Variants in ZNF385D observed in about 807,000 individuals in gnomAD.
ZNF385D encodes the protein zinc finger protein 385D, also known as zinc finger protein 659.
A neutral mutation model predicts 35.8 loss-of-function variants in ZNF385D; 15 were observed. The ratio of observed to expected loss-of-function variants is 0.42; its 90% CI spans 0.28 to 0.64. The LOEUF (loss-of-function observed/expected upper bound fraction) is 0.64. Among genes scored for constraint, ZNF385D ranks in the 30% least tolerant of loss-of-function variants. The pLI, the probability that ZNF385D is intolerant of heterozygous loss-of-function variation, is 0.23. For synonymous variants in ZNF385D, 212 were observed against 186.8 expected (o/e 1.13, Z -1.10); for missense variants, 474 against 494.6 (o/e 0.96, Z 0.39).
intron 1 of ZNF385D, among the ~76,000 whole-genome samples, chr3:21,699,058 G>A (rs1480711322): frequency 6.6e-6 from 1 of 152,040 alleles, no homozygotes; most frequent in East Asian, 1.9e-4. Context: ...TTGTGGCACT[G>A]TTCACAATAG....
chr3:21,612,560 T>G (rs1005003844), intron 2 of ZNF385D, among the ~76,000 whole-genome samples: 2 of 152,238 alleles, frequency 1.3e-5, no homozygotes, highest in African/African-American at 4.8e-5. Context: ...CCTATTCATT[T>G]GTTCAATTAT....
chr3:21,625,466 G>C (rs1160750778), intron 2 of ZNF385D, among the ~76,000 whole-genome samples: 5 of 152,048 alleles, frequency 3.3e-5, no homozygotes, highest in Admixed American at 6.6e-5. Flanking sequence ...TCTTAAACAA[G>C]AATACTTAGC....
intron 1 of ZNF385D, among the ~76,000 whole-genome samples, chr3:21,741,866 C>G (rs975148403): frequency 6.6e-6 from 1 of 152,082 alleles, no homozygotes; most frequent in African/African-American, 2.4e-5. Flanking sequence ...CTTCCTGCCT[C>G]TAAGTCTGAA....
intron 3 of ZNF385D, among the ~76,000 whole-genome samples, chr3:21,838,654 C>T (rs1695475653): frequency 6.6e-6 from 1 of 151,976 alleles, no homozygotes; most frequent in Non-Finnish European, 1.5e-5. Flanking sequence ...AGCAAACTGG[C>T]CTTATCCATC....
intron 2 of ZNF385D, among the ~76,000 whole-genome samples, chr3:22,273,741 A>G (rs187803463): frequency 6.6e-6 from 1 of 152,062 alleles, no homozygotes; most frequent in African/African-American, 2.4e-5. Flanking sequence ...CAGATCAGGA[A>G]GTTGAATACG....
chr3:22,099,258 T>C (rs1576317507), intron 3 of ZNF385D, among the ~76,000 whole-genome samples: 1 of 152,096 alleles, frequency 6.6e-6, no homozygotes, highest in East Asian at 1.9e-4. Context: ...TATACCCACA[T>C]ATATAAATAC....
intron 3 of ZNF385D, among the ~76,000 whole-genome samples, chr3:21,843,277 C>T (rs1695792584): frequency 6.6e-6 from 1 of 151,874 alleles, no homozygotes; most frequent in Non-Finnish European, 1.5e-5. Context: ...GGGGATTAAC[C>T]GTAGCTCCTT....
At chr3:22,356,984 T>A (rs984878057) in intron 2 of ZNF385D, among the ~76,000 whole-genome samples, 1 of 151,868 alleles carries the variant, frequency 6.6e-6, no homozygotes, top group African/African-American at 2.4e-5. Context: ...GGAAACAAGA[T>A]AGCAAGTTAT....
intron 2 of ZNF385D, among the ~76,000 whole-genome samples, chr3:22,212,154 G>A (rs11708512): frequency 0.12 from 18,886 of 151,954 alleles, 1,531 homozygotes; most frequent in Middle Eastern, 0.24. Flanking sequence ...TTCTTGCCCA[G>A]TTATTCCCAG....
At chr3:21,553,124 T>G (rs2062621218) in intron 3 of ZNF385D, among the ~76,000 whole-genome samples, 1 of 152,140 alleles carries the variant, frequency 6.6e-6, no homozygotes. Flanking sequence ...AACTGGATTC[T>G]CCCCTGGAAC....
At chr3:21,600,692 G>A (rs2064259742) in intron 2 of ZNF385D, among the ~76,000 whole-genome samples, 1 of 151,808 alleles carries the variant, frequency 6.6e-6, no homozygotes, top group Admixed American at 6.6e-5. Flanking sequence ...AACACACAGA[G>A]AGAGAGGAAA....
chr3:22,121,517 C>T (rs535343143), intron 3 of ZNF385D, among the ~76,000 whole-genome samples: 3 of 152,266 alleles, frequency 2.0e-5, no homozygotes, highest in African/African-American at 7.2e-5. Flanking sequence ...AAAGGACAAA[C>T]GCTTTGAGTT....
chr3:21,974,126 A>T (rs1442683048), intron 3 of ZNF385D, among the ~76,000 whole-genome samples: 1 of 152,102 alleles, frequency 6.6e-6, no homozygotes, highest in Non-Finnish European at 1.5e-5. Flanking sequence ...TATCCTGAGC[A>T]AAAATTTGAA....
intron 3 of ZNF385D, among the ~76,000 whole-genome samples, chr3:21,927,676 C>G (rs906626176): frequency 3.3e-5 from 5 of 152,108 alleles, no homozygotes; most frequent in African/African-American, 1.2e-4. Flanking sequence ...CATAATAGAG[C>G]TAGAGTGAAT....
intron 3 of ZNF385D, among the ~76,000 whole-genome samples, chr3:21,976,045 C>G (rs1033950518): frequency 7.9e-5 from 12 of 152,072 alleles, no homozygotes; most frequent in Non-Finnish European, 1.8e-4. Flanking sequence ...CACTCAGGCT[C>G]TAACTGGGAC....
intron 2 of ZNF385D, among the ~76,000 whole-genome samples, chr3:22,347,937 T>A (rs1695732695): frequency 6.6e-6 from 1 of 152,182 alleles, no homozygotes; most frequent in African/African-American, 2.4e-5. Context: ...GCCTTCAATA[T>A]GATTGCTTTT....
At chr3:22,304,806 T>TTA (rs1703114642) in intron 2 of ZNF385D, among the ~76,000 whole-genome samples, 1 of 152,162 alleles carries the variant, frequency 6.6e-6, no homozygotes, top group Non-Finnish European at 1.5e-5. Context: ...TTGTAATTCT[T>TTA]TATCAGTGCC....
intron 2 of ZNF385D, among the ~76,000 whole-genome samples, chr3:22,220,957 A>G (rs1188288767): frequency 6.6e-6 from 1 of 152,190 alleles, no homozygotes; most frequent in Non-Finnish European, 1.5e-5. Flanking sequence ...GAAAGAACTG[A>G]TTCTCATATG....
rs150250913 is a variant in ZNF385D, at chr3:21,507,977, A to T, written c.439+2884T>A. ...ATCTGATGAGTGTGCTGGAACTCTTAGCCTCTCAACCTATATAACTTGCTT... is the reference window on the plus strand; with the variant it reads ...ATCTGATGAGTGTGCTGGAACTCTTTGCCTCTCAACCTATATAACTTGCTT... On this transcript the variant is annotated intron_variant, in intron 4 of 7. Coordinates refer to ENST00000281523, the MANE Select transcript of ZNF385D (RefSeq NM_024697.3). 3.4e-4 allele frequency among the ~76,000 whole-genome samples: 52 copies of T among 152,250 alleles called. 1 individual carries two copies. Among genetic ancestry groups the T allele is most frequent in the East Asian group, 2.5e-3 (13 of 5,174 alleles).
Sources: allele counts gnomAD v4.1 joint callset (sites outside exome capture counted in the v4.1 genomes callset), GRCh38; gene constraint gnomAD v4.1.1; transcripts MANE v1.5; gene names NCBI Gene and HGNC (gene_info 2026-07-23, HGNC 2026-07-21).